The following GASK1B variants were observed in gnomAD, a reference collection of about 807,000 sequenced individuals.
GASK1B encodes golgi associated kinase 1B, also known as Golgi-associated kinase 1B.
A neutral mutation model predicts 42.8 loss-of-function variants in GASK1B; 34 were observed. That is an observed-to-expected ratio of 0.79 (90% confidence interval 0.60 to 1.06). The LOEUF (loss-of-function observed/expected upper bound fraction) is 1.06. Ranked by LOEUF, GASK1B falls within the 50% of genes least tolerant of loss-of-function variation. GASK1B has a pLI of 0.00. For synonymous variants in GASK1B, 262 were observed against 259.1 expected, an observed-to-expected ratio of 1.01 and a Z score of -0.11; for missense variants, 686 against 661.0, an observed-to-expected ratio of 1.04 and a Z score of -0.42.
intron 3 of GASK1B, among the ~76,000 whole-genome samples, chr4:158,142,681 C>T (rs906510588): frequency 6.6e-6 from 1 of 152,100 alleles, no homozygotes; most frequent in Non-Finnish European, 1.5e-5. Flanking sequence ...AAAGGACTAA[C>T]CAGATATGAT....
chr4:158,127,478 C>T lies in GASK1B; in HGVS notation c.1489G>A (p.Glu497Lys). Residue 497 changes from glutamate (E) to lysine (K), a missense_variant, in exon 5 of 5, where the codon GAA becomes AAA. Transcript: ENST00000585682. ...GTGATAAGAATTTTGGCTCTGTGTT[C>T]TATTACATCGATAAGCTTTTCAATT... ...QGIEKLIDVI[E>K]HRAKILITYI... 6.2e-7 allele frequency: 1 copy of T among 1,613,784 alleles called. No homozygotes were observed. The highest frequency in any genetic ancestry group is 1.7e-4 in the Middle Eastern group (1 of 6,058).
intron 3 of GASK1B, among the ~76,000 whole-genome samples, chr4:158,137,815 G>A (rs1027088902): frequency 3.3e-5 from 5 of 152,036 alleles, no homozygotes; most frequent in Admixed American, 6.6e-5. Context: ...CATGACAACA[G>A]GTGCCTGTTA....
chr4:158,145,691 T>C (rs1731303553), intron 3 of GASK1B, among the ~76,000 whole-genome samples: 1 of 152,214 alleles, frequency 6.6e-6, no homozygotes, highest in Admixed American at 6.5e-5. Context: ...GCTGTGATTA[T>C]CTGTCCCTTG....
At chr4:158,151,438 A>G (rs1207709390) in intron 3 of GASK1B, among the ~76,000 whole-genome samples, 1 of 152,218 alleles carries the variant, frequency 6.6e-6, no homozygotes, top group Admixed American at 6.5e-5. Context: ...TAAGAACTTG[A>G]GTGAGATACT....
At chr4:158,145,223 T>C (rs984852189) in intron 3 of GASK1B, among the ~76,000 whole-genome samples, 3 of 151,918 alleles carry the variant, frequency 2.0e-5, no homozygotes, top group African/African-American at 7.3e-5. Flanking sequence ...GGGAAAAAAA[T>C]AATGCACAGA....
chr4:158,171,361 G>T lies in GASK1B; in HGVS notation c.15C>A (p.Asp5Glu). The T allele has an allele frequency of 6.3e-7, 1 of 1,578,698 alleles. No individual in the cohort carries two copies. The highest frequency in any genetic ancestry group is 8.6e-7 in the Non-Finnish European group (1 of 1,159,296). ...ACCAGTTTATGAGCTGCCCCGGCTT[G>T]TCTGGACAGGTCATTTCTCTGCCGC... MTCPDKPGQLINWFI... is the reference protein window; with the variant it reads MTCPEKPGQLINWFI... Residue 5 changes from aspartate to glutamate, a missense_variant, in exon 2 of 5, where the codon GAC (aspartate) becomes GAA (glutamate). Transcript: ENST00000585682.
rs755242225 is a variant in GASK1B, at chr4:158,171,298, G to C, written c.78C>G (p.Leu26=). 10 of 1,613,308 alleles carry C rather than the reference G, an allele frequency of 6.2e-6. No homozygotes were observed. In the South Asian group the frequency reaches 8.8e-5, roughly 14 times the overall value. The part of the protein sequence containing the change: ...CSLCVPRVRK[L]WSSRRPRTRR... ...GGGTCCTTGGACGCCGGCTGCTCCA[G>C]AGCTTACGCACCCGCGGGACGCACA... The change falls in exon 2 of 5, where the codon CTC becomes CTG. Residue 26 remains leucine, a synonymous_variant. Coordinates refer to ENST00000585682, the MANE Select transcript of GASK1B (RefSeq NM_001128424.2).
At chr4:158,134,361 C>T (rs1276996088) in intron 3 of GASK1B, among the ~76,000 whole-genome samples, 1 of 152,200 alleles carries the variant, frequency 6.6e-6, no homozygotes, top group Admixed American at 6.5e-5. Flanking sequence ...CACTTAACTA[C>T]TGCATGATTA....
At position 158,127,365 on chromosome 4, in the gene GASK1B, A is replaced by G; in HGVS notation, c.*42T>C. Reference sequence around the variant, plus strand: ...GCTTGATTTAAAAACAAAACCAAAAATGCATAAATATATCTAACACCCTAG... The same window carrying G: ...GCTTGATTTAAAAACAAAACCAAAAGTGCATAAATATATCTAACACCCTAG... On this transcript the variant is annotated 3_prime_UTR_variant, in exon 5 of 5. Transcript: ENST00000585682. 6.4e-7 allele frequency: 1 copy of G among 1,556,372 alleles called. No homozygotes were observed. Among genetic ancestry groups the G allele is most frequent in the Non-Finnish European group, 8.8e-7 (1 of 1,139,810 alleles).
Position 158,126,683 on chromosome 4 carries a change from T to C in GASK1B, c.*724A>G, listed in dbSNP as rs181637819. ...TAATTTCTCAGCCACTAGATACAAA[T>C]TGGACCAAAATAGAGAGAGTAAAAC... is the stretch of plus-strand genomic sequence containing the variant. On this transcript the variant is annotated 3_prime_UTR_variant, in exon 5 of 5. Transcript: ENST00000585682. The C allele has an allele frequency of 6.6e-6, 1 of 152,196 alleles. No individual in the cohort carries two copies. Among genetic ancestry groups the C allele is most frequent in the Admixed American group, 6.5e-5 (1 of 15,272 alleles). 9.4% of individuals were successfully genotyped at this position (152,196 alleles called of 1,614,324 possible).
At chr4:158,129,868 C>A (rs367757261) in intron 4 of GASK1B, among the ~76,000 whole-genome samples, 58 of 152,286 alleles carry the variant, frequency 3.8e-4, no homozygotes, top group African/African-American at 1.4e-3. Context: ...GTGGCTCTGC[C>A]CACTAGGCAG....
At chr4:158,136,768 A>G (rs1226462273) in intron 3 of GASK1B, among the ~76,000 whole-genome samples, 1 of 152,182 alleles carries the variant, frequency 6.6e-6, no homozygotes, top group East Asian at 1.9e-4. Flanking sequence ...TGTTTTTAGC[A>G]TTTAAAAACT....
At chr4:158,141,920 C>CTTTTT (rs36207959) in intron 3 of GASK1B, among the ~76,000 whole-genome samples, 20 of 47,618 alleles carry the variant, frequency 4.2e-4, no homozygotes, top group South Asian at 1.1e-3. Context: ...GTTGTGGTTT[C>CTTTTT]TTTTTTTTTT....
At chr4:158,155,475 A>G in intron 3 of GASK1B, 136 bp downstream of exon 3, 1 of 763,110 alleles carries the variant, frequency 1.3e-6, no homozygotes, top group Non-Finnish European at 2.1e-6. Context: ...CCAAAACCAC[A>G]ATTACTTTTG....
intron 3 of GASK1B, among the ~76,000 whole-genome samples, chr4:158,153,596 C>A (rs925684168): frequency 2.6e-5 from 4 of 152,170 alleles, no homozygotes; most frequent in African/African-American, 9.7e-5. Context: ...CATTACCTGA[C>A]TTCAAACTGT....
rs763329946 is a variant in GASK1B, at chr4:158,170,817, C to T, written c.559G>A (p.Gly187Arg). The change falls in exon 2 of 5, where the codon GGA (glycine) becomes AGA (arginine). Residue 187 changes from glycine (G) to arginine (R), a missense_variant. Physicochemically the swap from Gly to Arg is moderately radical, Grantham distance 125. Coordinates refer to ENST00000585682, the MANE Select transcript of GASK1B (RefSeq NM_001128424.2). ...ERPWRLVRGP[G>R]VRAGGPDFLQ... ...AAGTCTGGGCCCCCGGCTCGCACTC[C>T]CGGACCCCGCACCAACCTCCAGGGT... 1.9e-6 allele frequency: 3 copies of T among 1,614,180 alleles called. No individual in the cohort carries two copies. The highest frequency in any genetic ancestry group is 1.1e-5 in the South Asian group (1 of 91,088).
intron 3 of GASK1B, among the ~76,000 whole-genome samples, chr4:158,138,966 A>T (rs1731012445): frequency 6.6e-6 from 1 of 152,200 alleles, no homozygotes; most frequent in Non-Finnish European, 1.5e-5. Flanking sequence ...CAGCTACAAA[A>T]TCAAGCCCTT....
chr4:158,147,460 C>T (rs914042489), intron 3 of GASK1B, among the ~76,000 whole-genome samples: 7 of 151,744 alleles, frequency 4.6e-5, no homozygotes, highest in African/African-American at 1.7e-4. Flanking sequence ...AAAAGTTAGC[C>T]AGGCATGGTG....
rs1009395159 is a variant in GASK1B at position 158,155,829 on chromosome 4, T to C, written c.911-4A>G. On this transcript the variant is annotated splice_polypyrimidine_tract_variant and splice_region_variant and intron_variant, in intron 2 of 4. Coordinates refer to ENST00000585682, the MANE Select transcript of GASK1B (RefSeq NM_001128424.2). ...ATGATGGGGCATGGGCGGCCATCTATAGAATCAGAAAAACAAACACACTTT... is the reference window on the plus strand; with the variant it reads ...ATGATGGGGCATGGGCGGCCATCTACAGAATCAGAAAAACAAACACACTTT... The C allele has an allele frequency of 6.2e-7, 1 of 1,612,770 alleles. No homozygotes were observed. The highest frequency in any genetic ancestry group is 1.3e-5 in the African/African-American group (1 of 74,888).
Sources: allele counts gnomAD v4.1 joint callset (sites outside exome capture counted in the v4.1 genomes callset), GRCh38; gene constraint gnomAD v4.1.1; transcripts MANE v1.5; gene names NCBI Gene and HGNC (gene_info 2026-07-23, HGNC 2026-07-21).